Variants in MEGF6 observed in about 807,000 individuals in gnomAD.
The protein encoded by MEGF6 is multiple EGF like domains 6.
MEGF6 carries 184 observed loss-of-function variants against 207.1 expected under a neutral mutation model. That is an observed-to-expected ratio of 0.89 (90% CI 0.79 to 1.00). The LOEUF is 1.00. Ranked by LOEUF, MEGF6 falls within the 50% of genes least tolerant of loss-of-function variation. MEGF6 has a pLI of 0.00. For synonymous variants in MEGF6, 1,038 were observed against 910.0 expected (o/e 1.14, Z -2.53); for missense variants, 2,282 against 2,202.9 (o/e 1.04, Z -0.72).
intron 4 of MEGF6, among the ~76,000 whole-genome samples, chr1:3,524,628 A>T (rs559982544): frequency 3.3e-5 from 5 of 152,354 alleles, no homozygotes; most frequent in African/African-American, 1.2e-4. Flanking sequence ...CCACAAGCCC[A>T]AAAAGAGAAA....
At chr1:3,531,456 C>T in intron 4 of MEGF6, 1 of 1,099,850 alleles carries the variant, frequency 9.1e-7, no homozygotes, top group Non-Finnish European at 1.1e-6. Flanking sequence ...CTCAGCTTTC[C>T]CTCCGCCCCG....
rs1644028803 is a variant in MEGF6 at position 3,594,552 on chromosome 1, G to A, written c.376+786C>T. On this transcript the variant is annotated intron_variant, in intron 3 of 36. Coordinates refer to ENST00000356575, the MANE Select transcript of MEGF6 (RefSeq NM_001409.4). This position sits in a 1 kb window ranked among gnomAD's most constrained non-coding sequence, Gnocchi z 4.2. Reference sequence around the variant, plus strand: ...CACCTCGATTTTTTAGGGGAGGCCGGCTTTATGGGACAGGGTCCCATGACC... The same window carrying A: ...CACCTCGATTTTTTAGGGGAGGCCGACTTTATGGGACAGGGTCCCATGACC... Among the ~76,000 whole-genome samples the A allele has an allele frequency of 6.6e-6, 1 of 152,218 alleles. No individual in the cohort carries two copies. Among genetic ancestry groups the A allele is most frequent in the African/African-American group, 2.4e-5 (1 of 41,462 alleles).
intron 17 of MEGF6, among the ~76,000 whole-genome samples, 168 bp from the exon 18 acceptor site, chr1:3,502,089 C>CATG (rs1557724682): frequency 1.9e-5 from 1 of 52,844 alleles, no homozygotes; most frequent in African/African-American, 6.7e-5. Flanking sequence ...GTGTGCCCCC[C>CATG]CGCGCCTCCT....
At chr1:3,511,941 C>T (rs894552626) in intron 8 of MEGF6, 65 bp downstream of exon 8, 21 of 1,605,140 alleles carry the variant, frequency 1.3e-5, no homozygotes, top group African/African-American at 6.7e-5. Flanking sequence ...AAGCAGGCCT[C>T]GGGGTCCTGG....
At chr1:3,597,600 T>TA (rs1491066783) in intron 2 of MEGF6, among the ~76,000 whole-genome samples, 1 of 152,110 alleles carries the variant, frequency 6.6e-6, no homozygotes, top group African/African-American at 2.4e-5. Context: ...CGGGCGCCCT[T>TA]ATAAGAAGAG....
intron 4 of MEGF6, among the ~76,000 whole-genome samples, chr1:3,535,467 C>T (rs369893933): frequency 1.6e-4 from 24 of 152,276 alleles, no homozygotes; most frequent in African/African-American, 5.5e-4. Flanking sequence ...CAGAAGGCTG[C>T]ATCCAACCCT....
rs764484172 is a variant in MEGF6, at chr1:3,490,583, G to A, written c.4571C>T (p.Thr1524Ile). The A allele has an allele frequency of 1.2e-5, 20 of 1,613,148 alleles. No individual in the cohort carries two copies. In the Admixed American group the frequency reaches 2.7e-4, roughly 22 times the overall value. ...TGTGGGTCTGCTGGAGGCGGGCAGT[G>A]TGCCCGCTGGGGAAAAGGAGAAAAG... is the stretch of plus-strand genomic sequence containing the variant. ...NPSLAQGSAG[T>I]LPASSRPTSR... The change falls in exon 37 of 37, where the codon ACA becomes ATA. Residue 1524 changes from threonine (T) to isoleucine (I), a missense_variant. Thr to Ile is a moderately conservative substitution (Grantham distance 89). Coordinates refer to ENST00000356575, the MANE Select transcript of MEGF6 (RefSeq NM_001409.4).
chr1:3,520,058 G>A (rs1173171439), intron 5 of MEGF6, among the ~76,000 whole-genome samples: 2 of 152,250 alleles, frequency 1.3e-5, no homozygotes, highest in Non-Finnish European at 2.9e-5. Context: ...GGCATGGGCC[G>A]AGAAGGGGAG....
intron 4 of MEGF6, among the ~76,000 whole-genome samples, chr1:3,575,564 G>A (rs1039781688): frequency 2.6e-4 from 39 of 152,302 alleles, no homozygotes; most frequent in African/African-American, 8.7e-4. Flanking sequence ...GAGGTTTAAT[G>A]GACTTACAGT....
chr1:3,614,878 G>A (rs1226797905), upstream of MEGF6, among the ~76,000 whole-genome samples: 1 of 152,204 alleles, frequency 6.6e-6, no homozygotes, highest in Admixed American at 6.5e-5. Context: ...TCTTCATCCT[G>A]AACTCATCAC....
chr1:3,610,336 G>C (rs1011513961), intron 1 of MEGF6, among the ~76,000 whole-genome samples: 2 of 152,198 alleles, frequency 1.3e-5, no homozygotes, highest in African/African-American at 4.8e-5. Context: ...AGTGCTGGAC[G>C]GGAACAGCCT....
At chr1:3,557,504 C>G (rs977126566) in intron 4 of MEGF6, among the ~76,000 whole-genome samples, 2 of 152,226 alleles carry the variant, frequency 1.3e-5, no homozygotes, top group Non-Finnish European at 2.9e-5. Flanking sequence ...ACGTGCCCAC[C>G]TCGCTGGGCG....
rs1214302230 is a variant in MEGF6, at chr1:3,605,617, TACTC to T, written c.132-3021_132-3018del. Among the ~76,000 whole-genome samples the T allele has an allele frequency of 2.6e-5, 4 of 152,102 alleles. 1 individual carries two copies. Among genetic ancestry groups the T allele is most frequent in the East Asian group, 3.9e-4 (2 of 5,168 alleles). On this transcript the variant is annotated intron_variant, in intron 1 of 36. Coordinates refer to ENST00000356575, the MANE Select transcript of MEGF6 (RefSeq NM_001409.4). ...AATGACACACACACAATCACATACA[TACTC>T]ATGCACACGCACACTTCTGTACTCT...
chr1:3,506,033 C>T, intron 15 of MEGF6, 75 bp downstream of exon 15: 2 of 1,495,412 alleles, frequency 1.3e-6, no homozygotes, highest in Admixed American at 2.2e-5. Flanking sequence ...ACCCAGACTA[C>T]AGGTAACAGG....
chr1:3,567,655 G>A (rs567794121), intron 4 of MEGF6, among the ~76,000 whole-genome samples: 16 of 152,288 alleles, frequency 1.1e-4, no homozygotes, highest in Admixed American at 2.6e-4. Context: ...CCATCACACC[G>A]TGGGCCCTCG....
At chr1:3,505,769 G>A (rs1021517783) in intron 15 of MEGF6, among the ~76,000 whole-genome samples, 2 of 152,196 alleles carry the variant, frequency 1.3e-5, no homozygotes, top group African/African-American at 4.8e-5. Flanking sequence ...TGGCCTTGCT[G>A]CCAGGAATCT....
chr1:3,563,241 G>C (rs772309978), intron 4 of MEGF6, among the ~76,000 whole-genome samples: 1 of 152,140 alleles, frequency 6.6e-6, no homozygotes, highest in Non-Finnish European at 1.5e-5. Context: ...GTTTCCCGGG[G>C]TCCAAGCCCA....
At chr1:3,490,708 G>GTGGGTGGGGCCCACCC in intron 36 of MEGF6, 119 bp from the exon 37 acceptor site, 1 of 1,194,222 alleles carries the variant, frequency 8.4e-7, no homozygotes, top group African/African-American at 1.5e-5. Context: ...AGCCCAGCAG[G>GTGGGTGGGGCCCACCC]TGGGTGGGGC....
intron 4 of MEGF6, among the ~76,000 whole-genome samples, chr1:3,539,436 C>A (rs995681254): frequency 6.6e-6 from 1 of 152,080 alleles, no homozygotes; most frequent in Non-Finnish European, 1.5e-5. Flanking sequence ...CACGGCCCCA[C>A]CTGCACACGC....
Sources: gnomAD v4.1 joint callset for allele counts (sites outside exome capture counted in the v4.1 genomes callset) on GRCh38, gnomAD v4.1.1 for gene constraint, Gnocchi (gnomAD v3.1) non-coding constraint, MANE v1.5 for transcripts, NCBI Gene and HGNC (gene_info 2026-07-23, HGNC 2026-07-21) for gene names.